KHDRBS3: variants seen among roughly 807,000 people sequenced by gnomAD.
KHDRBS3 encodes the protein KH RNA binding domain containing, signal transduction associated 3.
KHDRBS3 carries 23 observed loss-of-function variants against 45.6 expected under a neutral mutation model. The ratio of observed to expected loss-of-function variants is 0.50; its 90% CI spans 0.36 to 0.72. The LOEUF is 0.72. KHDRBS3 is among the 30% of genes least tolerant of loss of function. The pLI is 0.00. For synonymous variants in KHDRBS3, 162 were observed against 156.5 expected (o/e 1.04, Z -0.26); for missense variants, 352 against 424.8 (o/e 0.83, Z 1.51).
intron 7 of KHDRBS3, among the ~76,000 whole-genome samples, chr8:135,612,971 ATTAC>A (rs1369043717): frequency 6.6e-6 from 1 of 151,834 alleles, no homozygotes; most frequent in African/African-American, 2.4e-5. Context: ...AAAGCTCTCT[ATTAC>A]AGTGTCTTCT....
intron 1 of KHDRBS3, among the ~76,000 whole-genome samples, chr8:135,503,956 AAGTTAG>A (rs1207021514): frequency 6.6e-6 from 1 of 152,168 alleles, no homozygotes; most frequent in African/African-American, 2.4e-5. Flanking sequence ...AGGGTGCAGT[AAGTTAG>A]AGTTTGTTAT....
At chr8:135,654,650 G>C (rs576695058) in intron 4 of KHDRBS3, among the ~76,000 whole-genome samples, 36 of 152,278 alleles carry the variant, frequency 2.4e-4, no homozygotes, top group Middle Eastern at 3.4e-3. Flanking sequence ...AAAGTCCTGC[G>C]ACCCTTCCTC....
intron 2 of KHDRBS3, among the ~76,000 whole-genome samples, chr8:135,526,220 A>G (rs1469962055): frequency 6.6e-6 from 1 of 152,156 alleles, no homozygotes; most frequent in East Asian, 1.9e-4. Context: ...TCACATCATT[A>G]TTGACTCATA....
intron 1 of KHDRBS3, among the ~76,000 whole-genome samples, chr8:135,489,234 G>A (rs1372422237): frequency 1.3e-5 from 2 of 151,974 alleles, no homozygotes; most frequent in African/African-American, 4.8e-5. Context: ...CAAGAGGACA[G>A]TGCCTGTTTT....
chr8:135,625,104 GGAT>G, intron 7 of KHDRBS3: 1 of 827,320 alleles, frequency 1.2e-6, no homozygotes, highest in Non-Finnish European at 1.9e-6. Context: ...AGTCCTCTAA[GGAT>G]AATAAAAGGG....
At chr8:135,636,909 AGACG>A (rs1830837790) in intron 7 of KHDRBS3, among the ~76,000 whole-genome samples, 1 of 152,240 alleles carries the variant, frequency 6.6e-6, no homozygotes, top group South Asian at 2.1e-4. Context: ...TAACAAAACA[AGACG>A]AGAATGAAGT....
At chr8:135,496,345 GCCTCGA>G (rs1362879448) in intron 1 of KHDRBS3, among the ~76,000 whole-genome samples, 2 of 151,660 alleles carry the variant, frequency 1.3e-5, no homozygotes, top group Non-Finnish European at 2.9e-5. Flanking sequence ...CAATTCTTCT[GCCTCGA>G]CCTCCCAAGT....
chr8:135,594,932 A>T (rs1828908219), intron 6 of KHDRBS3, among the ~76,000 whole-genome samples: 1 of 152,234 alleles, frequency 6.6e-6, no homozygotes, highest in African/African-American at 2.4e-5. Flanking sequence ...CGTGTGTAAG[A>T]ATCCTGTAGG....
chr8:135,473,628 C>T (rs1478876687), intron 1 of KHDRBS3, among the ~76,000 whole-genome samples: 1 of 152,162 alleles, frequency 6.6e-6, no homozygotes, highest in Non-Finnish European at 1.5e-5. Context: ...GGAGCAGGCT[C>T]ACTTGTCTGC....
chr8:135,648,615 G>T (rs1214974680), downstream of KHDRBS3: 1 of 152,106 alleles, frequency 6.6e-6, no homozygotes, highest in Non-Finnish European at 1.5e-5. Flanking sequence ...TTGCCTTTTT[G>T]TTCCAATTAT....
chr8:135,525,510 C>T (rs992035420), intron 2 of KHDRBS3, among the ~76,000 whole-genome samples: 7 of 152,266 alleles, frequency 4.6e-5, no homozygotes, highest in East Asian at 1.9e-4. Flanking sequence ...TGCCTGTTTT[C>T]GATCAGTCTT....
At chr8:135,515,305 G>T (rs545526390) in intron 1 of KHDRBS3, among the ~76,000 whole-genome samples, 1 of 141,932 alleles carries the variant, frequency 7.0e-6, no homozygotes, top group South Asian at 2.4e-4. Flanking sequence ...GGCGGAGCTT[G>T]CAGTGAGCCA....
chr8:135,545,373 G>A (rs16905396), intron 3 of KHDRBS3, among the ~76,000 whole-genome samples: 1,545 of 152,282 alleles, frequency 0.01, 23 homozygotes, highest in African/African-American at 0.032. Context: ...GGCTTTTGCC[G>A]TGTGGAAGGC....
At chr8:135,527,361 G>A (rs1385299740) in intron 2 of KHDRBS3, among the ~76,000 whole-genome samples, 1 of 152,198 alleles carries the variant, frequency 6.6e-6, no homozygotes, top group Non-Finnish European at 1.5e-5. Context: ...GGCTGGCTGG[G>A]GTCAGAAGTG....
intron 7 of KHDRBS3, among the ~76,000 whole-genome samples, chr8:135,644,753 A>T (rs1431594375): frequency 6.6e-6 from 1 of 152,224 alleles, no homozygotes; most frequent in Non-Finnish European, 1.5e-5. Context: ...TTCCCAGGTC[A>T]GGTGCTGTCT....
At chr8:135,613,214 A>C (rs13251707) in intron 7 of KHDRBS3, among the ~76,000 whole-genome samples, 31,041 of 151,846 alleles carry the variant, frequency 0.2, 3,861 homozygotes, top group Middle Eastern at 0.28. Flanking sequence ...AAGTTCAAAA[A>C]CATTTTTATT....
At chr8:135,545,137 C>T (rs1826228273) in intron 3 of KHDRBS3, among the ~76,000 whole-genome samples, 1 of 151,958 alleles carries the variant, frequency 6.6e-6, no homozygotes, top group South Asian at 2.1e-4. Context: ...TTTGGGAGGA[C>T]TAGGAGGAAG....
intron 4 of KHDRBS3, among the ~76,000 whole-genome samples, chr8:135,653,510 GT>G (rs1831470939): frequency 1.3e-5 from 2 of 152,160 alleles, no homozygotes; most frequent in Non-Finnish European, 2.9e-5. Context: ...TTTTGAATAT[GT>G]ATCTTTTCTG....
intron 5 of KHDRBS3, 90 bp from the exon 6 acceptor site, chr8:135,581,788 T>G: frequency 9.9e-7 from 1 of 1,013,408 alleles, no homozygotes; most frequent in Non-Finnish European, 1.4e-6. Flanking sequence ...ATATAGAACA[T>G]TGATTTTGTT....
Sources: allele counts gnomAD v4.1 joint callset (sites outside exome capture counted in the v4.1 genomes callset), GRCh38; gene constraint gnomAD v4.1.1; transcripts MANE v1.5; gene names NCBI Gene and HGNC (gene_info 2026-07-23, HGNC 2026-07-21).